Variants in C1orf21 observed in about 807,000 individuals in gnomAD.
C1orf21 encodes the protein uncharacterized protein C1orf21.
C1orf21 carries 3 observed loss-of-function variants against 18.7 expected under a neutral mutation model. The ratio of observed to expected loss-of-function variants is 0.16; its 90% CI spans 0.07 to 0.42. C1orf21 has a LOEUF of 0.42. C1orf21 is among the 10% of genes least tolerant of loss of function. The pLI is 0.99. For synonymous variants in C1orf21, 41 were observed against 46.4 expected, an observed-to-expected ratio of 0.88 and a Z score of 0.47; for missense variants, 104 against 143.6, an observed-to-expected ratio of 0.72 and a Z score of 1.41.
chr1:184,420,323 G>A (rs1349018466), intron 1 of C1orf21, among the ~76,000 whole-genome samples: 1 of 152,008 alleles, frequency 6.6e-6, no homozygotes, highest in Non-Finnish European at 1.5e-5. Flanking sequence ...TTTTCCACAT[G>A]GCTGTGTGTT....
At chr1:184,581,256 A>T (rs185333356) in intron 3 of C1orf21, among the ~76,000 whole-genome samples, 1 of 152,038 alleles carries the variant, frequency 6.6e-6, no homozygotes, top group Non-Finnish European at 1.5e-5. Flanking sequence ...GTGAAACCCC[A>T]TCTCTACTAA....
At chr1:184,516,619 C>T (rs181388013) in intron 3 of C1orf21, among the ~76,000 whole-genome samples, 5 of 152,226 alleles carry the variant, frequency 3.3e-5, no homozygotes, top group East Asian at 3.9e-4. Context: ...GGATGGCAGC[C>T]GGCAAAGAGA....
chr1:184,596,936 A>G (rs1333225981), intron 4 of C1orf21, among the ~76,000 whole-genome samples: 2 of 152,118 alleles, frequency 1.3e-5, no homozygotes, highest in Non-Finnish European at 2.9e-5. Flanking sequence ...GAGATCCTCT[A>G]TTATAAGAAT....
intron 2 of C1orf21, among the ~76,000 whole-genome samples, chr1:184,485,137 GAAT>G (rs1262759608): frequency 6.6e-6 from 1 of 152,140 alleles, no homozygotes; most frequent in Non-Finnish European, 1.5e-5. Context: ...GTAACAGAGA[GAAT>G]AATGTTTGTC....
chr1:184,552,579 G>A (rs1242416502), intron 3 of C1orf21, among the ~76,000 whole-genome samples: 2 of 152,008 alleles, frequency 1.3e-5, no homozygotes, highest in Non-Finnish European at 2.9e-5. Context: ...TCAAAGAGAT[G>A]TACAAAGATG....
chr1:184,507,785 T>C, intron 3 of C1orf21, 103 bp downstream of exon 3: 2 of 897,808 alleles, frequency 2.2e-6, no homozygotes, highest in Non-Finnish European at 3.3e-6. Context: ...GCACAAGATT[T>C]CTTGAAAATG....
chr1:184,526,301 C>T (rs1180565029), intron 3 of C1orf21, among the ~76,000 whole-genome samples: 1 of 152,144 alleles, frequency 6.6e-6, no homozygotes. Flanking sequence ...AAAAACTGAA[C>T]AATAGAATCA....
At chr1:184,598,493 C>A in intron 5 of C1orf21, 32 bp downstream of exon 5, 1 of 1,582,064 alleles carries the variant, frequency 6.3e-7, no homozygotes, top group South Asian at 1.1e-5. Context: ...CTACATGTTT[C>A]AAGGGAAGTA....
intron 1 of C1orf21, among the ~76,000 whole-genome samples, chr1:184,402,085 C>T (rs1656161888): frequency 6.6e-6 from 1 of 151,974 alleles, no homozygotes; most frequent in Admixed American, 6.6e-5. Flanking sequence ...TTTTCCAATA[C>T]CTAATTGAAT....
chr1:184,542,972 G>T (rs1040186077), intron 3 of C1orf21, among the ~76,000 whole-genome samples: 9 of 152,166 alleles, frequency 5.9e-5, no homozygotes, highest in Non-Finnish European at 1.2e-4. Flanking sequence ...TGCTTTGGGG[G>T]ATGATACTGC....
intron 3 of C1orf21, among the ~76,000 whole-genome samples, chr1:184,530,182 A>G (rs1370648181): frequency 2.3e-4 from 35 of 152,224 alleles, no homozygotes; most frequent in Admixed American, 2.2e-3. Context: ...CTATTCTTCT[A>G]GTCGTAACTA....
intron 1 of C1orf21, among the ~76,000 whole-genome samples, chr1:184,474,143 C>T (rs1250404018): frequency 1.3e-5 from 2 of 152,108 alleles, no homozygotes; most frequent in Non-Finnish European, 2.9e-5. Flanking sequence ...AAATATATTC[C>T]TGATGAGGTC....
chr1:184,515,875 G>T (rs1004696294), intron 3 of C1orf21, among the ~76,000 whole-genome samples: 4 of 152,122 alleles, frequency 2.6e-5, no homozygotes, highest in Admixed American at 2.6e-4. Context: ...GTGCAATGGC[G>T]TGATCTCGGC....
rs1490402126 is a variant in C1orf21 at position 184,627,139 on chromosome 1, G to GA, written c.*7585dup. On this transcript the variant is annotated 3_prime_UTR_variant, in exon 6 of 6. Coordinates refer to ENST00000235307, the MANE Select transcript of C1orf21 (RefSeq NM_030806.4). The stretch of plus-strand genomic sequence containing the variant: ...CCATAGGCCTAGACAGCTGTGGAGG[G>GA]AAGACCTCGTGGGTACCTGGAGGCT... 1 of 152,562 alleles carries GA rather than the reference G, an allele frequency of 6.6e-6. No individual in the cohort carries two copies. The highest frequency in any genetic ancestry group is 1.5e-5 in the Non-Finnish European group (1 of 68,064). The allele number at this position is 152,562 out of a possible 1,614,324, so 9.5% of individuals were successfully genotyped here.
chr1:184,603,047 A>G (rs1474404261), intron 5 of C1orf21, among the ~76,000 whole-genome samples: 2 of 152,210 alleles, frequency 1.3e-5, no homozygotes, highest in African/African-American at 2.4e-5. Flanking sequence ...AAAATGCACA[A>G]ATCATATACA....
intron 3 of C1orf21, among the ~76,000 whole-genome samples, chr1:184,545,085 G>T (rs1452486777): frequency 1.3e-5 from 2 of 152,128 alleles, no homozygotes; most frequent in African/African-American, 4.8e-5. Flanking sequence ...ACCAACCCTG[G>T]TACAGGTACA....
rs1447922220 is a variant in C1orf21 at position 184,505,342 on chromosome 1, C to CATACATAT, written c.95-2245_95-2244insTACATATA. Among the ~76,000 whole-genome samples, 290 of 85,766 alleles carry CATACATAT rather than the reference C, an allele frequency of 3.4e-3. 3 individuals carry two copies. The highest frequency in any genetic ancestry group is 0.015 in the African/African-American group (275 of 18,804). The allele number at this position is 85,766 out of a possible 152,430, so 56.3% of individuals were successfully genotyped here. A position where few individuals can be genotyped will look rare whatever the true frequency, so the allele number is the denominator to read the frequency against. On this transcript the variant is annotated intron_variant, in intron 2 of 5. Coordinates refer to ENST00000235307, the MANE Select transcript of C1orf21 (RefSeq NM_030806.4). ...ATATATATATATATATATATATATA[C>CATACATAT]ACACATGCCATATATATATAGACAT... is the stretch of plus-strand genomic sequence containing the variant.
intron 2 of C1orf21, among the ~76,000 whole-genome samples, chr1:184,500,956 T>A (rs570129122): frequency 2.6e-5 from 4 of 152,324 alleles, no homozygotes; most frequent in Admixed American, 6.5e-5. Flanking sequence ...CTTCTCTGGC[T>A]CCTTCCTAGT....
At chr1:184,590,369 G>A (rs1033705553) in intron 3 of C1orf21, among the ~76,000 whole-genome samples, 4 of 152,154 alleles carry the variant, frequency 2.6e-5, no homozygotes, top group African/African-American at 7.2e-5. Context: ...TAAATTGCAC[G>A]GAAGTCAGTT....
Sources: gnomAD v4.1 joint callset for allele counts (sites outside exome capture counted in the v4.1 genomes callset) on GRCh38, gnomAD v4.1.1 for gene constraint, MANE v1.5 for transcripts, NCBI Gene and HGNC (gene_info 2026-07-23, HGNC 2026-07-21) for gene names.